Variants in TMEM67 observed in about 807,000 individuals in gnomAD.
TMEM67 encodes the protein meckelin.
A neutral mutation model predicts 136.6 loss-of-function variants in TMEM67; 124 were observed. That is an observed-to-expected ratio of 0.91 (90% CI 0.78 to 1.05). The LOEUF is 1.05. TMEM67 is among the 50% of genes least tolerant of loss of function. The pLI is 0.00. For synonymous variants in TMEM67, 364 were observed against 390.5 expected, an observed-to-expected ratio of 0.93 and a Z score of 0.80; for missense variants, 1,107 against 1,178.4, an observed-to-expected ratio of 0.94 and a Z score of 0.89.
At chr8:93,766,822 A>G (rs1813101981) in intron 6 of TMEM67, among the ~76,000 whole-genome samples, 1 of 152,174 alleles carries the variant, frequency 6.6e-6, no homozygotes, top group South Asian at 2.1e-4. Context: ...CCAAGTAGTT[A>G]CCAGACAACA....
rs1233657634 is a variant in TMEM67 at position 93,816,614 on chromosome 8, C to T, written c.*162C>T. 4.0e-6 allele frequency: 2 copies of T among 497,516 alleles called. No homozygotes were observed. The highest frequency in any genetic ancestry group is 3.1e-5 in the East Asian group (1 of 31,810). The allele number at this position is 497,516 out of a possible 1,614,324, so 30.8% of individuals were successfully genotyped here. ...ATTTTTATAACTTGGGAATATATAA[C>T]CTGATATAATAGAAAATACTGTTTT... On this transcript the variant is annotated 3_prime_UTR_variant, in exon 28 of 28. Transcript: ENST00000453321.
At chr8:93,756,124 C>A in intron 2 of TMEM67, 5 of 342,212 alleles carry the variant, frequency 1.5e-5, no homozygotes, top group South Asian at 7.6e-5. Flanking sequence ...TGTTTTTACT[C>A]GTAGAATAAC....
At chr8:93,798,942 A>AGTGTGTGT (rs35511670) in intron 20 of TMEM67, among the ~76,000 whole-genome samples, 2,359 of 143,454 alleles carry the variant, frequency 0.016, 32 homozygotes, top group South Asian at 0.035. Flanking sequence ...GTACTAAAGT[A>AGTGTGTGT]GTGTGTGTGT....
rs73694952 is a variant in TMEM67, at chr8:93,785,424, C to T, written c.1288+46C>T. The T allele has an allele frequency of 0.01, 15,741 of 1,566,892 alleles. 1,247 individuals are homozygous for T. In the African/African-American group the frequency reaches 0.18, roughly 18 times the overall value. On this transcript the variant is annotated intron_variant, in intron 12 of 27. Coordinates refer to ENST00000453321, the MANE Select transcript of TMEM67 (RefSeq NM_153704.6). The stretch of plus-strand genomic sequence containing the variant: ...ACTCTTTTCCCTGAGCAGAAATCAA[C>T]AAATAAGTTAACCTACATGATAATT...
intron 2 of TMEM67, chr8:93,756,122 C>T (rs548182432): frequency 4.5e-5 from 16 of 356,230 alleles, no homozygotes; most frequent in African/African-American, 3.0e-4. Context: ...TTTGTTTTTA[C>T]TCGTAGAATA....
At chr8:93,784,833 A>G (rs1028938464) in intron 11 of TMEM67, among the ~76,000 whole-genome samples, 2 of 152,244 alleles carry the variant, frequency 1.3e-5, no homozygotes, top group African/African-American at 4.8e-5. Context: ...GATCATATAC[A>G]TCATTGTACA....
chr8:93,799,892 T>A, intron 21 of TMEM67, 134 bp downstream of exon 21: 1 of 646,798 alleles, frequency 1.5e-6, no homozygotes, highest in Non-Finnish European at 2.6e-6. Context: ...GAACAATAGC[T>A]AATGGTCAGT....
At chr8:93,791,448 C>A in intron 15 of TMEM67, 129 bp downstream of exon 15, 1 of 655,806 alleles carries the variant, frequency 1.5e-6, no homozygotes. Context: ...TGTTAGCATA[C>A]AAAACCTTAG....
intron 6 of TMEM67, among the ~76,000 whole-genome samples, chr8:93,767,863 C>CTTTTTTTTT (rs200241819): frequency 9.1e-6 from 1 of 109,918 alleles, no homozygotes. Context: ...TTTCTTTTTT[C>CTTTTTTTTT]TTTTTTTTTT....
At chr8:93,824,067 C>T (rs542665243), downstream of TMEM67, among the ~76,000 whole-genome samples, 60 of 152,274 alleles carry the variant, frequency 3.9e-4, no homozygotes, top group African/African-American at 1.3e-3. Context: ...TTCATGTTGG[C>T]AGTTTTCTTT....
chr8:93,814,847 G>A (rs897077021), intron 26 of TMEM67, among the ~76,000 whole-genome samples: 1 of 152,098 alleles, frequency 6.6e-6, no homozygotes, highest in Middle Eastern at 3.2e-3. Context: ...CGCTGGTGGA[G>A]TGAGAAGAGG....
At chr8:93,760,687 A>AAT (rs1812788730) in intron 3 of TMEM67, among the ~76,000 whole-genome samples, 1 of 151,702 alleles carries the variant, frequency 6.6e-6, no homozygotes, top group South Asian at 2.1e-4. Flanking sequence ...CAAAAAAAAA[A>AAT]GAAAAAAAGA....
At chr8:93,806,860 A>T (rs1815172721) in intron 23 of TMEM67, among the ~76,000 whole-genome samples, 1 of 152,142 alleles carries the variant, frequency 6.6e-6, no homozygotes, top group African/African-American at 2.4e-5. Context: ...ATATTAATTG[A>T]TGTTACTTTA....
At chr8:93,800,283 A>G (rs1255341756) in intron 21 of TMEM67, among the ~76,000 whole-genome samples, 1 of 152,138 alleles carries the variant, frequency 6.6e-6, no homozygotes, top group Non-Finnish European at 1.5e-5. Context: ...CTTGGCCTTT[A>G]GGCTAAGATC....
rs182175879 is a variant in TMEM67 at position 93,777,847 on chromosome 8, G to A, written c.715-2746G>A. The stretch of plus-strand genomic sequence containing the variant: ...ATATTCTGTTGATTTGGGGTGGAGA[G>A]TTCTGTAGGTGTCTATTAGGTCCAT... On this transcript the variant is annotated intron_variant, in intron 7 of 27. Coordinates refer to ENST00000453321, the MANE Select transcript of TMEM67 (RefSeq NM_153704.6). Among the ~76,000 whole-genome samples, 199 of 152,330 alleles carry A rather than the reference G, an allele frequency of 1.3e-3. 4 individuals are homozygous for A. Among genetic ancestry groups the A allele is most frequent in the Admixed American group, 0.011 (171 of 15,296 alleles).
At chr8:93,770,010 T>G (rs1387200224) in intron 6 of TMEM67, among the ~76,000 whole-genome samples, 1 of 152,162 alleles carries the variant, frequency 6.6e-6, no homozygotes, top group Non-Finnish European at 1.5e-5. Context: ...AGAAAAAAAT[T>G]TTCACATACA....
chr8:93,829,022 T>G, the TMEM67 span, among the ~76,000 whole-genome samples: 2 of 152,204 alleles, frequency 1.3e-5, no homozygotes, highest in African/African-American at 2.4e-5. Flanking sequence ...ATGAAATAAT[T>G]TTACAATTTG....
At chr8:93,778,454 G>A (rs1291096909) in intron 7 of TMEM67, among the ~76,000 whole-genome samples, 6 of 152,168 alleles carry the variant, frequency 3.9e-5, no homozygotes, top group Admixed American at 3.9e-4. Context: ...TAGCATTGAT[G>A]ATCTTTACAA....
At chr8:93,827,194 A>G in the TMEM67 span, among the ~76,000 whole-genome samples, 4 of 152,208 alleles carry the variant, frequency 2.6e-5, no homozygotes, top group Non-Finnish European at 2.9e-5. Context: ...ATTTATAAAA[A>G]GTACATCAGT....
Sources: gnomAD v4.1 joint callset for allele counts (sites outside exome capture counted in the v4.1 genomes callset) on GRCh38, gnomAD v4.1.1 for gene constraint, MANE v1.5 for transcripts, NCBI Gene and HGNC (gene_info 2026-07-23, HGNC 2026-07-21) for gene names.